UBR1: variants seen among roughly 807,000 people sequenced by gnomAD.
UBR1 encodes the protein E3 ubiquitin-protein ligase UBR1.
Under a neutral mutation model 242.1 loss-of-function variants are expected in UBR1, and 102 were observed. That is an observed-to-expected ratio of 0.42 (90% confidence interval 0.36 to 0.50). UBR1 has a LOEUF of 0.50. Among genes scored for constraint, UBR1 ranks in the 20% least tolerant of loss-of-function variants. UBR1 has a pLI of 0.01. For missense variants in UBR1, 1,772 were observed against 2,101.8 expected, an observed-to-expected ratio of 0.84 and a Z score of 3.07; for synonymous variants, 675 against 684.8, an observed-to-expected ratio of 0.99 and a Z score of 0.22.
Position 43,043,261 on chromosome 15 carries a change from A to G in UBR1, c.1803T>C (p.Ser601=), listed in dbSNP as rs775002359. ...GCAGATGTATGCTTACAAGATCCTCAGATACTCTGTAGGACTTTGTTTCCA... is the reference window on the plus strand; with the variant it reads ...GCAGATGTATGCTTACAAGATCCTCGGATACTCTGTAGGACTTTGTTTCCA... ...HSLETKSYRV[S]EDLVSIHLPL... The change falls in exon 15 of 47, where the codon TCT becomes TCC. Residue 601 remains serine (S), a synonymous_variant. Transcript: ENST00000290650. 8.7e-6 allele frequency: 14 copies of G among 1,614,048 alleles called. No individual in the cohort carries two copies. In the African/African-American group the frequency reaches 1.9e-4, roughly 22 times the overall value.
At chr15:42,996,435 A>C (rs1438700760) in intron 33 of UBR1, among the ~76,000 whole-genome samples, 1 of 152,114 alleles carries the variant, frequency 6.6e-6, no homozygotes, top group African/African-American at 2.4e-5. Flanking sequence ...TGTCTCTACA[A>C]AAAATTTAAA....
chr15:42,970,543 T>C lies in UBR1; in HGVS notation c.4434A>G (p.Ala1478=), dbSNP rs1472885372. The C allele has an allele frequency of 6.2e-7, 1 of 1,613,718 alleles. No homozygotes were observed. The highest frequency in any genetic ancestry group is 1.1e-5 in the South Asian group (1 of 91,084). Residue 1478 remains alanine (A), a synonymous_variant, in exon 40 of 47, where the codon GCA becomes GCG. Transcript: ENST00000290650. ...ACCCACTTGTATATTGAGAAATTTCTGCAAAGAAAGAAGATGCGGAATGAG... is the reference window on the plus strand; with the variant it reads ...ACCCACTTGTATATTGAGAAATTTCCGCAAAGAAAGAAGATGCGGAATGAG... ...EEAHSASSFF[A]EISQYTSGSI... is the part of the protein sequence containing the mutation.
At chr15:42,946,430 G>A (rs1012758904) in intron 46 of UBR1, among the ~76,000 whole-genome samples, 4 of 152,136 alleles carry the variant, frequency 2.6e-5, no homozygotes, top group Non-Finnish European at 4.4e-5. Flanking sequence ...CCGCCTGGTT[G>A]GGGATTTTTA....
chr15:43,047,071 T>C, intron 14 of UBR1, 90 bp downstream of exon 14: 2 of 1,472,428 alleles, frequency 1.4e-6, no homozygotes, highest in Admixed American at 3.5e-5. Flanking sequence ...ATAAAAACTT[T>C]ACATCAAGGA....
At chr15:43,058,453 G>T (rs374119814) in intron 9 of UBR1, 24 bp from the exon 10 acceptor site, 121 of 1,565,514 alleles carry the variant, frequency 7.7e-5, no homozygotes, top group Non-Finnish European at 1.0e-4. Context: ...TGGGGAGGGT[G>T]GGGGAATGAG....
intron 6 of UBR1, among the ~76,000 whole-genome samples, chr15:43,061,869 C>T (rs2033691968): frequency 6.6e-6 from 1 of 151,944 alleles, no homozygotes; most frequent in Non-Finnish European, 1.5e-5. Context: ...TATACTGCTG[C>T]GGTGATGGGT....
At position 43,075,029 on chromosome 15, in the gene UBR1, C is replaced by A. The variant is rs926026005; in HGVS notation, c.478G>T (p.Gly160Cys). ...GGTTCATGATTTACACAAAAAGGGCCAGTTTTCCATGCCTCTGTGTCTCCA... is the reference window on the plus strand; with the variant it reads ...GGTTCATGATTTACACAAAAAGGGCAAGTTTTCCATGCCTCTGTGTCTCCA... Reference protein sequence around the residue: ...DCGDTEAWKTGPFCVNHEPGR... With the variant: ...DCGDTEAWKTCPFCVNHEPGR... Residue 160 changes from glycine to cysteine, a missense_variant, in exon 4 of 47, where the codon GGC becomes TGC. Gly to Cys is a radical substitution (Grantham distance 159). Coordinates refer to ENST00000290650, the MANE Select transcript of UBR1 (RefSeq NM_174916.3). 1.2e-6 allele frequency: 2 copies of A among 1,614,054 alleles called. No individual in the cohort carries two copies. Among genetic ancestry groups the A allele is most frequent in the Non-Finnish European group, 1.7e-6 (2 of 1,179,988 alleles).
At chr15:42,952,158 TA>T (rs2031844563) in intron 45 of UBR1, 119 bp downstream of exon 45, 1 of 1,242,390 alleles carries the variant, frequency 8.0e-7, no homozygotes, top group East Asian at 2.3e-5. Context: ...AATAACAGGT[TA>T]ATACTCTAAC....
intron 6 of UBR1, among the ~76,000 whole-genome samples, chr15:43,063,630 C>T (rs948915870): frequency 6.6e-6 from 1 of 151,994 alleles, no homozygotes; most frequent in African/African-American, 2.4e-5. Context: ...ATACTGAGAC[C>T]CTGTCTCTTA....
In UBR1 at chr15:43,077,601, C is replaced by T. The variant is rs1027487705; in HGVS notation, c.418-2512G>A. Among the ~76,000 whole-genome samples the T allele has an allele frequency of 3.4e-5, 5 of 148,438 alleles. No homozygotes were observed. The South Asian group carries it at 6.4e-4, about 19-fold the overall frequency. On this transcript the variant is annotated intron_variant, in intron 3 of 46. Transcript: ENST00000290650. ...CCTTCCCTCCACTATTGTCCTATGA[C>T]CCTGCCAAATCCCCCTCTGGGAGAA...
chr15:42,960,474 A>G (rs1026254841), intron 43 of UBR1, among the ~76,000 whole-genome samples, 171 bp downstream of exon 43: 3 of 152,182 alleles, frequency 2.0e-5, no homozygotes, highest in African/African-American at 7.2e-5. Flanking sequence ...CACTCCAAGA[A>G]AAAAACATTT....
chr15:43,100,727 C>A (rs1054796821), intron 1 of UBR1, among the ~76,000 whole-genome samples: 2 of 152,124 alleles, frequency 1.3e-5, no homozygotes, highest in Admixed American at 6.5e-5. Context: ...CCCAGCTACT[C>A]AGGAGGCTGA....
At chr15:43,027,544 A>G (rs1467904989) in intron 22 of UBR1, among the ~76,000 whole-genome samples, 1 of 152,166 alleles carries the variant, frequency 6.6e-6, no homozygotes, top group Non-Finnish European at 1.5e-5. Context: ...TAAATAAATC[A>G]CCTAATATCA....
rs1415071621 is a variant in UBR1, at chr15:43,066,702, TTC to T, written c.798+1194_798+1195del. Among the ~76,000 whole-genome samples the T allele has an allele frequency of 3.3e-5, 5 of 152,302 alleles. No individual in the cohort carries two copies. In the East Asian group the frequency reaches 7.7e-4, roughly 24 times the overall value. On this transcript the variant is annotated intron_variant, in intron 6 of 46. Coordinates refer to ENST00000290650, the MANE Select transcript of UBR1 (RefSeq NM_174916.3). Reference sequence around the variant, plus strand: ...ATTAGCTGTATTCCTAGGTATTTTATTCTCTCTGTAGCAATTGTGAATGGGAA... The same window carrying T: ...ATTAGCTGTATTCCTAGGTATTTTATTCTCTGTAGCAATTGTGAATGGGAA...
At position 43,105,954 on chromosome 15, in the gene UBR1, C is replaced by T; in HGVS notation, c.69G>A (p.Gln23=). The change falls in exon 1 of 47, where the codon CAG becomes CAA. Residue 23 remains glutamine, a synonymous_variant. Coordinates refer to ENST00000290650, the MANE Select transcript of UBR1 (RefSeq NM_174916.3). The part of the protein sequence containing the change: ...EISAELPQTP[Q]RLASWWDQQV... ...TATAGGGACTTACAGATGCCAGACG[C>T]TGAGGGGTCTGGGGTAACTCCGCGC... The T allele has an allele frequency of 6.2e-7, 1 of 1,614,056 alleles. No individual in the cohort carries two copies. Among genetic ancestry groups the T allele is most frequent in the Non-Finnish European group, 8.5e-7 (1 of 1,179,998 alleles).
At chr15:42,966,029 C>A in intron 41 of UBR1, 124 bp downstream of exon 41, 1 of 1,399,924 alleles carries the variant, frequency 7.1e-7, no homozygotes, top group South Asian at 1.2e-5. Flanking sequence ...GAAGGGAACA[C>A]ACATGAAAGA....
intron 1 of UBR1, 48 bp downstream of exon 1, chr15:43,105,894 G>A (rs967237642): frequency 1.3e-6 from 2 of 1,564,348 alleles, no homozygotes; most frequent in East Asian, 2.2e-5. Context: ...AAGCGCAGTA[G>A]GGAGGGACCG....
chr15:42,967,259 C>T, intron 40 of UBR1, among the ~76,000 whole-genome samples: 1 of 134,542 alleles, frequency 7.4e-6, no homozygotes, highest in African/African-American at 2.8e-5. Context: ...GACAAGGTCT[C>T]ACTATCTTGC....
intron 34 of UBR1, 58 bp from the exon 35 acceptor site, chr15:42,989,025 G>A: frequency 7.2e-7 from 1 of 1,387,510 alleles, no homozygotes; most frequent in South Asian, 1.2e-5. Flanking sequence ...TTAGTAAGAA[G>A]TCCAATTAAG....
Sources: allele counts gnomAD v4.1 joint callset (sites outside exome capture counted in the v4.1 genomes callset), GRCh38; gene constraint gnomAD v4.1.1; transcripts MANE v1.5; gene names NCBI Gene and HGNC (gene_info 2026-07-23, HGNC 2026-07-21).